COL4A5: variants seen among roughly 807,000 people sequenced by gnomAD.
COL4A5 encodes collagen alpha-5(IV) chain.
Under a neutral mutation model 130.2 loss-of-function variants are expected in COL4A5, and 26 were observed. That is an observed-to-expected ratio of 0.20 (90% CI 0.15 to 0.28). The LOEUF (loss-of-function observed/expected upper bound fraction) is 0.28, where lower values mean the gene tolerates loss of function less well. Ranked by LOEUF, COL4A5 falls within the 10% of genes least tolerant of loss-of-function variation. COL4A5 has a pLI of 1.00. For missense variants in COL4A5, 1,131 were observed against 1,344.3 expected (o/e 0.84, Z 2.48); for synonymous variants, 496 against 439.6 (o/e 1.13, Z -1.60).
chrX:108,637,853 CTTTT>C (rs780689078), intron 36 of COL4A5, among the ~76,000 whole-genome samples: 1 of 100,260 alleles, frequency 1.0e-5, no homozygotes. Context: ...TTCTACCAAT[CTTTT>C]TTTTTTTTTT....
At chrX:108,579,151 C>G (rs1427117801) in intron 13 of COL4A5, among the ~76,000 whole-genome samples, 2 of 111,441 alleles carry the variant, frequency 1.8e-5, no homozygotes, top group Non-Finnish European at 3.8e-5. Flanking sequence ...ATCTCCATAC[C>G]TATGTTAGTT....
At chrX:108,656,089 CAT>C (rs1387329976) in intron 37 of COL4A5, among the ~76,000 whole-genome samples, 3 of 111,983 alleles carry the variant, frequency 2.7e-5, no homozygotes, top group Admixed American at 9.5e-5. Flanking sequence ...TACCTAAGTA[CAT>C]ATATGTCTTT....
intron 24 of COL4A5, 104 bp from the exon 25 acceptor site, chrX:108,598,595 TAAG>T (rs1464129430): frequency 8.2e-6 from 6 of 727,358 alleles, no homozygotes; most frequent in South Asian, 6.9e-5. Flanking sequence ...ATATAGCTTT[TAAG>T]AAGAACTATT....
At chrX:108,462,268 A>C (rs2064661022) in intron 1 of COL4A5, among the ~76,000 whole-genome samples, 1 of 112,161 alleles carries the variant, frequency 8.9e-6, no homozygotes, top group Non-Finnish European at 1.9e-5. Flanking sequence ...TTACCTACAG[A>C]GAAATAGTAA....
intron 21 of COL4A5, among the ~76,000 whole-genome samples, chrX:108,594,986 G>T (rs1280463352): frequency 9.1e-6 from 1 of 109,385 alleles, no homozygotes; most frequent in Non-Finnish European, 1.9e-5. Context: ...TAGCCTCCTG[G>T]GTAGCTGGCA....
Position 108,577,991 on chromosome X carries a change from A to G in COL4A5, c.645+4A>G, listed in dbSNP as rs2066181075. The G allele has an allele frequency of 2.5e-6, 3 of 1,203,321 alleles. No individual in the cohort carries two copies. The African/African-American group carries it at 5.3e-5, about 21-fold the overall frequency. ...ACCAGGACTTCCAGGACCTAAGGTA[A>G]TTTTCTTTTTCTTTATATCTTTTAT... On this transcript the variant is annotated splice_donor_region_variant and intron_variant, in intron 11 of 52. Transcript: ENST00000328300.
intron 43 of COL4A5, among the ~76,000 whole-genome samples, chrX:108,676,282 A>G (rs760440806): frequency 6.6e-4 from 74 of 111,868 alleles, no homozygotes; most frequent in Non-Finnish European, 1.1e-3. Flanking sequence ...CAGAGGAGAG[A>G]AGGTGTAAAT....
chrX:108,444,224 T>C (rs59444960), intron 1 of COL4A5, among the ~76,000 whole-genome samples: 1 of 85,669 alleles, frequency 1.2e-5, no homozygotes, highest in African/African-American at 7.3e-5. Context: ...TTTTTTTTTC[T>C]TTTTTTTTTT....
At chrX:108,510,815 C>T (rs1157254090) in intron 1 of COL4A5, among the ~76,000 whole-genome samples, 3 of 110,759 alleles carry the variant, frequency 2.7e-5, no homozygotes, top group African/African-American at 9.9e-5. Flanking sequence ...TGTCTATGTA[C>T]TTTTCATACA....
At chrX:108,471,614 T>A (rs1414369943) in intron 1 of COL4A5, among the ~76,000 whole-genome samples, 3 of 111,521 alleles carry the variant, frequency 2.7e-5, no homozygotes, top group Non-Finnish European at 5.7e-5. Flanking sequence ...CTTTTACAAT[T>A]TGGATGCCTT....
intron 1 of COL4A5, among the ~76,000 whole-genome samples, chrX:108,482,425 C>T (rs1156926063): frequency 9.0e-6 from 1 of 111,293 alleles, no homozygotes; most frequent in Admixed American, 9.6e-5. Context: ...CAGTGTTTAT[C>T]TCCTTAGACA....
intron 36 of COL4A5, 59 bp downstream of exon 36, chrX:108,626,408 C>T: frequency 8.4e-7 from 1 of 1,186,808 alleles, no homozygotes; most frequent in Non-Finnish European, 1.1e-6. Flanking sequence ...TTTTTTAATA[C>T]TATGCTCATT....
chrX:108,488,902 A>G (rs182496838), intron 1 of COL4A5, among the ~76,000 whole-genome samples: 100 of 111,776 alleles, frequency 8.9e-4, no homozygotes, highest in African/African-American at 3.1e-3. Flanking sequence ...GTAGCATTTT[A>G]TAATTCACTC....
At chrX:108,540,467 T>C (rs2065520162) in intron 2 of COL4A5, among the ~76,000 whole-genome samples, 1 of 111,761 alleles carries the variant, frequency 8.9e-6, no homozygotes, top group East Asian at 2.8e-4. Context: ...TTTTTCGTTT[T>C]TGAGACACGG....
At chrX:108,624,873 G>C (rs1020553036) in intron 34 of COL4A5, among the ~76,000 whole-genome samples, 4 of 110,615 alleles carry the variant, frequency 3.6e-5, no homozygotes, top group African/African-American at 1.3e-4. Flanking sequence ...ACTCTTTCTT[G>C]TTTCTTCTTC....
chrX:108,439,994 T>C lies in COL4A5; in HGVS notation c.-132T>C, dbSNP rs1486349377. ...CTTCCACTCTTAAAAAGCTTCTTTC[T>C]CTTCACCCAAGCCTCACTGTCCCTC... On this transcript the variant is annotated 5_prime_UTR_variant, in exon 1 of 53. Coordinates refer to ENST00000328300, the MANE Select transcript of COL4A5 (RefSeq NM_033380.3). The C allele has an allele frequency of 2.0e-6, 1 of 500,784 alleles. No homozygotes were observed. The highest frequency in any genetic ancestry group is 3.5e-6 in the Non-Finnish European group (1 of 288,809). 41.3% of individuals were successfully genotyped at this position (500,784 alleles called of 1,213,427 possible). A position where few individuals can be genotyped will look rare whatever the true frequency, so the allele number is the denominator to read the frequency against.
chrX:108,534,182 A>AAGAAAGAC (rs1159290065), intron 1 of COL4A5, among the ~76,000 whole-genome samples: 96 of 110,871 alleles, frequency 8.7e-4, no homozygotes, highest in African/African-American at 3.0e-3. Context: ...GAAAGAAAGA[A>AAGAAAGAC]AGAAAGAAAC....
chrX:108,532,608 G>C (rs563316148), intron 1 of COL4A5, among the ~76,000 whole-genome samples: 1 of 111,125 alleles, frequency 9.0e-6, no homozygotes, highest in African/African-American at 3.3e-5. Flanking sequence ...AATAAAAAAG[G>C]CATCCAAATG....
chrX:108,469,773 G>T (rs925255220), intron 1 of COL4A5, among the ~76,000 whole-genome samples: 2 of 111,686 alleles, frequency 1.8e-5, no homozygotes, highest in African/African-American at 6.5e-5. Context: ...ATGTATGAAT[G>T]ATCCCATTAC....
Sources: gnomAD v4.1 joint callset for allele counts (sites outside exome capture counted in the v4.1 genomes callset) on GRCh38, gnomAD v4.1.1 for gene constraint, MANE v1.5 for transcripts, NCBI Gene and HGNC (gene_info 2026-07-23, HGNC 2026-07-21) for gene names.